Variants in P2RY12 observed in about 807,000 individuals in gnomAD.
P2RY12 encodes P2Y purinoceptor 12.
In P2RY12, 3 loss-of-function variants were observed where a neutral mutation model predicts 4.5. The ratio of observed to expected loss-of-function variants is 0.67; its 90% confidence interval spans 0.31 to 1.74. The LOEUF (loss-of-function observed/expected upper bound fraction) is 1.74. P2RY12 is among the 40% of genes most tolerant of loss of function. The pLI is 0.09. For missense variants in P2RY12, 356 were observed against 407.8 expected, an observed-to-expected ratio of 0.87 and a Z score of 1.09; for synonymous variants, 148 against 154.1, an observed-to-expected ratio of 0.96 and a Z score of 0.29.
intron 1 of P2RY12, among the ~76,000 whole-genome samples, chr3:151,361,760 C>T (rs1383752814): frequency 6.6e-6 from 1 of 152,096 alleles, no homozygotes; most frequent in Non-Finnish European, 1.5e-5. Flanking sequence ...AACATTCTTT[C>T]AGAGCTATTT....
At chr3:151,349,796 C>T (rs1577400902) in intron 1 of P2RY12, among the ~76,000 whole-genome samples, 1 of 151,110 alleles carries the variant, frequency 6.6e-6, no homozygotes. Flanking sequence ...CCAAAACTTA[C>T]TTTGTAGGGT....
chr3:151,363,824 A>C (rs564315806), intron 1 of P2RY12, among the ~76,000 whole-genome samples: 4 of 152,246 alleles, frequency 2.6e-5, no homozygotes, highest in African/African-American at 9.6e-5. Context: ...AACACCCCAA[A>C]AGTGATTCTC....
chr3:151,355,573 G>A (rs1210315321), intron 1 of P2RY12, among the ~76,000 whole-genome samples: 3 of 152,248 alleles, frequency 2.0e-5, no homozygotes, highest in Non-Finnish European at 4.4e-5. Context: ...ACGACATTGA[G>A]AAGAAAACAC....
At chr3:151,369,382 C>A in intron 1 of P2RY12, 1 of 1,256,224 alleles carries the variant, frequency 8.0e-7, no homozygotes, top group Non-Finnish European at 1.1e-6. Flanking sequence ...TAAATAATTA[C>A]AAAACATTAC....
rs776621584 is a variant in P2RY12, at chr3:151,377,210, A to C, written c.-180+7482T>G. On this transcript the variant is annotated intron_variant, in intron 1 of 2. Transcript: ENST00000302632. ...TTGTCTGTTGTTTTATTGAACTGTC[A>C]TGAATTTTTCACAAGTAACGGTAAA... 8.3e-6 allele frequency: 13 copies of C among 1,567,246 alleles called. No homozygotes were observed. The South Asian group carries it at 1.5e-4, about 18-fold the overall frequency.
At chr3:151,364,940 T>C (rs1480600878) in intron 1 of P2RY12, 8 of 1,415,488 alleles carry the variant, frequency 5.7e-6, no homozygotes, top group Middle Eastern at 1.8e-4. Context: ...TTATTCTAGT[T>C]TTATTTTTCT....
chr3:151,356,061 T>A, intron 1 of P2RY12: 1 of 1,596,160 alleles, frequency 6.3e-7, no homozygotes. Context: ...ACCATGTTTC[T>A]CTTACTTTTA....
At chr3:151,377,097 G>T in intron 1 of P2RY12, 1 of 1,614,052 alleles carries the variant, frequency 6.2e-7, no homozygotes, top group South Asian at 1.1e-5. Context: ...TCTAATTCTG[G>T]CATGAGCCTC....
At chr3:151,341,767 C>T (rs1375636089) in intron 1 of P2RY12, among the ~76,000 whole-genome samples, 1 of 150,918 alleles carries the variant, frequency 6.6e-6, no homozygotes, top group Admixed American at 6.6e-5. Flanking sequence ...GTAGTGTTTC[C>T]CTTCCTGTGT....
intron 2 of P2RY12, among the ~76,000 whole-genome samples, chr3:151,339,364 T>C (rs1751479569): frequency 7.0e-6 from 1 of 142,184 alleles, no homozygotes; most frequent in Admixed American, 7.1e-5. Context: ...CCTAAAGTAA[T>C]AAAAAGGGGG....
At chr3:151,349,710 T>C (rs543354060) in intron 1 of P2RY12, among the ~76,000 whole-genome samples, 1 of 152,244 alleles carries the variant, frequency 6.6e-6, no homozygotes, top group Admixed American at 6.5e-5. Context: ...AAGGGAAAAA[T>C]ATGACTAGAC....
intron 1 of P2RY12, among the ~76,000 whole-genome samples, chr3:151,356,238 A>G (rs1181230211): frequency 6.6e-6 from 1 of 152,060 alleles, no homozygotes; most frequent in Non-Finnish European, 1.5e-5. Flanking sequence ...CATCTCCACA[A>G]AAAATTTAAA....
At chr3:151,384,178 A>T in intron 1 of P2RY12, 1 of 1,613,636 alleles carries the variant, frequency 6.2e-7, no homozygotes, top group Non-Finnish European at 8.5e-7. Context: ...GGATCTGAAG[A>T]GAACAAGCGT....
At chr3:151,368,624 TATTTTATTTCATTTCATTTC>T (rs1755636208) in intron 1 of P2RY12, among the ~76,000 whole-genome samples, 212 of 85,490 alleles carry the variant, frequency 2.5e-3, no homozygotes, top group Non-Finnish European at 3.1e-3. Flanking sequence ...TATTTTATTT[TATTTTATTTCATTTCATTTC>T]ATTTCATTTC....
At chr3:151,347,257 T>G (rs1241608254) in intron 1 of P2RY12, among the ~76,000 whole-genome samples, 15 of 152,222 alleles carry the variant, frequency 9.9e-5, no homozygotes, top group Admixed American at 9.8e-4. Flanking sequence ...TATCTTCACC[T>G]CTGCCCTATT....
intron 1 of P2RY12, chr3:151,367,916 G>A: frequency 1.0e-6 from 1 of 1,002,514 alleles, no homozygotes; most frequent in South Asian, 1.7e-5. Context: ...AATTTTAATA[G>A]TTATTTTATA....
chr3:151,359,792 T>C (rs1754382159), intron 1 of P2RY12, among the ~76,000 whole-genome samples: 1 of 152,152 alleles, frequency 6.6e-6, no homozygotes, highest in Non-Finnish European at 1.5e-5. Context: ...TGGAATCAGA[T>C]GCACAGATAG....
intron 1 of P2RY12, among the ~76,000 whole-genome samples, chr3:151,370,558 C>T (rs1268207226): frequency 1.3e-5 from 2 of 152,164 alleles, no homozygotes. Flanking sequence ...CGTCAAGGAC[C>T]ACAGCCTCCT....
intron 1 of P2RY12, chr3:151,368,174 C>G (rs1252246248): frequency 6.2e-7 from 1 of 1,613,960 alleles, no homozygotes; most frequent in Non-Finnish European, 8.5e-7. Flanking sequence ...GACGCCGAGC[C>G]TGGGGCGAGA....
Sources: gnomAD v4.1 joint callset for allele counts (sites outside exome capture counted in the v4.1 genomes callset) on GRCh38, gnomAD v4.1.1 for gene constraint, MANE v1.5 for transcripts, NCBI Gene and HGNC (gene_info 2026-07-23, HGNC 2026-07-21) for gene names.